Variants in RNF128 observed in about 807,000 individuals in gnomAD.
RNF128 encodes E3 ubiquitin-protein ligase RNF128.
A neutral mutation model predicts 26.2 loss-of-function variants in RNF128; 13 were observed. That is an observed-to-expected ratio of 0.50 (90% CI 0.32 to 0.79). RNF128 has a LOEUF of 0.79. Among genes scored for constraint, RNF128 ranks in the 30% least tolerant of loss-of-function variants. The pLI, the probability that RNF128 is intolerant of heterozygous loss-of-function variation, is 0.03. For missense variants in RNF128, 315 were observed against 349.7 expected, an observed-to-expected ratio of 0.90 and a Z score of 0.79; for synonymous variants, 149 against 142.5, an observed-to-expected ratio of 1.05 and a Z score of -0.32.
intron 1 of RNF128, among the ~76,000 whole-genome samples, chrX:106,733,750 G>A (rs1387290667): frequency 1.8e-5 from 2 of 110,608 alleles, no homozygotes; most frequent in African/African-American, 6.6e-5. Context: ...ACCCAGGCTG[G>A]AGTACCATGG....
intron 6 of RNF128, among the ~76,000 whole-genome samples, chrX:106,792,108 C>A (rs915682498): frequency 2.7e-5 from 3 of 110,714 alleles, no homozygotes; most frequent in Non-Finnish European, 5.7e-5. Flanking sequence ...CACACAAAGG[C>A]AAACTTTGTA....
At chrX:106,726,064 C>T, upstream of RNF128, among the ~76,000 whole-genome samples, 1 of 112,459 alleles carries the variant, frequency 8.9e-6, no homozygotes, top group East Asian at 2.8e-4. Flanking sequence ...AGAAGAAAGG[C>T]TTGGTTCTGA....
chrX:106,738,397 A>G lies in RNF128; in HGVS notation c.484+11000A>G, dbSNP rs748706946. On this transcript the variant is annotated intron_variant, in intron 1 of 6. Transcript: ENST00000255499. The stretch of plus-strand genomic sequence containing the variant: ...ACATAATACTTCTCCATTGGTTATT[A>G]TAGATATTTACTACCACACTTTGAA... 9.3e-4 allele frequency among the ~76,000 whole-genome samples: 104 copies of G among 111,932 alleles called. 1 individual carries two copies. The highest frequency in any genetic ancestry group is 1.3e-3 in the Non-Finnish European group (67 of 53,156).
At chrX:106,706,878 A>G (rs746764466) in intron 1 of RNF128, among the ~76,000 whole-genome samples, 3 of 111,895 alleles carry the variant, frequency 2.7e-5, no homozygotes, top group Non-Finnish European at 5.6e-5. Flanking sequence ...GATGATGCTC[A>G]TGAAGTCATC....
chrX:106,754,410 C>CTTTTTTTT lies in RNF128; in HGVS notation c.485-18479_485-18472dup, dbSNP rs150895665. On this transcript the variant is annotated intron_variant, in intron 1 of 6. Transcript: ENST00000255499. ...CCACACCTGGCAATGTTTTCTTTCTCTTTTTTTTTTTTTTTTTTTTTTTTT... is the reference window on the plus strand; with the variant it reads ...CCACACCTGGCAATGTTTTCTTTCTCTTTTTTTTTTTTTTTTTTTTTTTTTTTTTTTTT... Among the ~76,000 whole-genome samples, 90 of 35,759 alleles carry CTTTTTTTT rather than the reference C, an allele frequency of 2.5e-3. 5 individuals are homozygous for CTTTTTTTT. Among genetic ancestry groups the CTTTTTTTT allele is most frequent in the African/African-American group, 9.3e-3 (70 of 7,551 alleles). The allele number at this position is 35,759 out of a possible 115,157, so 31.1% of individuals were successfully genotyped here.
chrX:106,733,782 C>A (rs1929541346), intron 1 of RNF128, among the ~76,000 whole-genome samples: 1 of 110,777 alleles, frequency 9.0e-6, no homozygotes, highest in Non-Finnish European at 1.9e-5. Context: ...CTCACTGAAA[C>A]CTCCTCTTCC....
intron 2 of RNF128, among the ~76,000 whole-genome samples, chrX:106,781,616 A>G (rs1478582977): frequency 9.0e-6 from 1 of 111,728 alleles, no homozygotes; most frequent in Non-Finnish European, 1.9e-5. Context: ...AGCTCTAAAA[A>G]TAGTTTGTGC....
chrX:106,738,315 A>G (rs1929634746), intron 1 of RNF128, among the ~76,000 whole-genome samples: 1 of 111,881 alleles, frequency 8.9e-6, no homozygotes, highest in Admixed American at 9.5e-5. Flanking sequence ...GCAGGTAGTG[A>G]GCATTTAGTA....
chrX:106,721,378 T>C (rs1442174605), intron 1 of RNF128, among the ~76,000 whole-genome samples: 2 of 112,040 alleles, frequency 1.8e-5, no homozygotes, highest in African/African-American at 6.5e-5. Flanking sequence ...TGCAAACATA[T>C]TAAAAGCTGA....
At chrX:106,783,042 A>G (rs906740856) in intron 2 of RNF128, among the ~76,000 whole-genome samples, 6 of 112,059 alleles carry the variant, frequency 5.4e-5, no homozygotes, top group African/African-American at 1.9e-4. Context: ...CCAAAATGGG[A>G]GTGAAAGTGC....
chrX:106,765,105 A>G (rs1930194925), intron 1 of RNF128, among the ~76,000 whole-genome samples: 1 of 112,092 alleles, frequency 8.9e-6, no homozygotes, highest in Admixed American at 9.5e-5. Context: ...TGTAAATGAG[A>G]ACAAGGTGAG....
At chrX:106,736,150 T>A (rs1929592996) in intron 1 of RNF128, among the ~76,000 whole-genome samples, 1 of 111,294 alleles carries the variant, frequency 9.0e-6, no homozygotes, top group Non-Finnish European at 1.9e-5. Flanking sequence ...TAGGAGGAAA[T>A]TGTATTAGAT....
intron 1 of RNF128, among the ~76,000 whole-genome samples, chrX:106,734,249 A>G (rs1020378125): frequency 1.6e-4 from 18 of 110,682 alleles, no homozygotes; most frequent in African/African-American, 5.9e-4. Context: ...GGGCATTTAA[A>G]TAAAAAATAT....
intron 1 of RNF128, among the ~76,000 whole-genome samples, chrX:106,735,005 A>G (rs770756712): frequency 3.6e-5 from 4 of 111,993 alleles, no homozygotes; most frequent in Non-Finnish European, 7.5e-5. Context: ...TTGGAGCCCT[A>G]TGGGCAAAGT....
At chrX:106,782,824 C>G (rs762460582) in intron 2 of RNF128, among the ~76,000 whole-genome samples, 2 of 111,682 alleles carry the variant, frequency 1.8e-5, no homozygotes, top group Non-Finnish European at 3.8e-5. Flanking sequence ...GACACTAGCT[C>G]TGATATTTCA....
intron 6 of RNF128, 44 bp downstream of exon 6, chrX:106,791,278 G>C (rs761811887): frequency 5.3e-6 from 6 of 1,124,146 alleles, no homozygotes; most frequent in Admixed American, 2.3e-5. Context: ...GCAATCCATT[G>C]TAGATCATAT....
chrX:106,737,856 G>C (rs1025039509), intron 1 of RNF128, among the ~76,000 whole-genome samples: 2 of 111,912 alleles, frequency 1.8e-5, no homozygotes, highest in Non-Finnish European at 3.8e-5. Context: ...AAAAGGGCAG[G>C]ATATGTAAGA....
chrX:106,762,785 A>T (rs1452711146), intron 1 of RNF128, among the ~76,000 whole-genome samples: 1 of 110,524 alleles, frequency 9.0e-6, no homozygotes, highest in Non-Finnish European at 1.9e-5. Flanking sequence ...AAAACCAAAT[A>T]CCACATGTTC....
At chrX:106,742,376 G>A (rs1306635219) in intron 1 of RNF128, among the ~76,000 whole-genome samples, 4 of 111,563 alleles carry the variant, frequency 3.6e-5, no homozygotes, top group African/African-American at 6.5e-5. Context: ...ATTTCTCAAT[G>A]TATTTTCCAC....
Sources: gnomAD v4.1 joint callset for allele counts (sites outside exome capture counted in the v4.1 genomes callset) on GRCh38, gnomAD v4.1.1 for gene constraint, MANE v1.5 for transcripts, NCBI Gene and HGNC (gene_info 2026-07-23, HGNC 2026-07-21) for gene names.